Variants in NPY2R observed in about 807,000 individuals in gnomAD.
NPY2R encodes the protein neuropeptide Y receptor Y2.
In NPY2R, 17 loss-of-function variants were observed where a neutral mutation model predicts 22.3. That is an observed-to-expected ratio of 0.76 (90% CI 0.52 to 1.14). The LOEUF is 1.14. Ranked by LOEUF, NPY2R falls within the 50% of genes most tolerant of loss-of-function variation. The pLI, the probability that NPY2R is intolerant of heterozygous loss-of-function variation, is 0.00. For missense variants in NPY2R, 424 were observed against 467.9 expected (o/e 0.91, Z 0.87); for synonymous variants, 209 against 183.4 (o/e 1.14, Z -1.13).
At chr4:155,191,563 G>T in the NPY2R span, among the ~76,000 whole-genome samples, 1 of 151,798 alleles carries the variant, frequency 6.6e-6, no homozygotes, top group Non-Finnish European at 1.5e-5. Flanking sequence ...TCACATTAAT[G>T]TTTTCTACTT....
At chr4:155,202,293 CA>C in the NPY2R span, among the ~76,000 whole-genome samples, 1 of 152,050 alleles carries the variant, frequency 6.6e-6, no homozygotes, top group South Asian at 2.1e-4. Flanking sequence ...AAAACAAAAA[CA>C]AAAACAAAAA....
chr4:155,198,028 C>T, the NPY2R span, among the ~76,000 whole-genome samples: 1 of 151,942 alleles, frequency 6.6e-6, no homozygotes, highest in Non-Finnish European at 1.5e-5. Context: ...TTTCTTAAAC[C>T]AAGCTTCATA....
the NPY2R span, among the ~76,000 whole-genome samples, chr4:155,192,723 T>C: frequency 6.6e-6 from 1 of 151,922 alleles, no homozygotes; most frequent in Non-Finnish European, 1.5e-5. Flanking sequence ...TATGCAAGAC[T>C]TCAAGAGAGG....
intron 1 of NPY2R, 48 bp from the exon 2 acceptor site, chr4:155,213,844 T>C (rs1729452370): frequency 9.8e-7 from 1 of 1,015,696 alleles, no homozygotes; most frequent in Non-Finnish European, 1.6e-6. Flanking sequence ...CCTCGTTCCA[T>C]TGGTTTTTGT....
At chr4:155,213,108 A>G (rs997386977) in intron 1 of NPY2R, among the ~76,000 whole-genome samples, 1 of 152,142 alleles carries the variant, frequency 6.6e-6, no homozygotes, top group African/African-American at 2.4e-5. Flanking sequence ...AGAGTGGTAT[A>G]ATGGACTTTG....
chr4:155,203,897 C>T (rs1729235293), upstream of NPY2R, among the ~76,000 whole-genome samples: 1 of 152,256 alleles, frequency 6.6e-6, no homozygotes, highest in Non-Finnish European at 1.5e-5. Flanking sequence ...GTTTGTTTAA[C>T]CTAAGAAGTT....
rs201907812 is a variant in NPY2R at position 155,214,952 on chromosome 4, C to T, written c.1013C>T (p.Ser338Leu). 7.4e-6 allele frequency: 12 copies of T among 1,614,112 alleles called. No homozygotes were observed. Among genetic ancestry groups the T allele is most frequent in the African/African-American group, 2.7e-5 (2 of 74,944 alleles). ...AGCAACTACAGAAAGGCTTTCCTCT[C>T]GGCCTTCCGCTGTGAGCAGCGGTTG... ...MNSNYRKAFL[S>L]AFRCEQRLDA... Residue 338 changes from serine (S) to leucine (L), a missense_variant, in exon 2 of 2, where the codon TCG becomes TTG. Physicochemically the swap from Ser to Leu is moderately radical, Grantham distance 145. Transcript: ENST00000329476.
intron 1 of NPY2R, among the ~76,000 whole-genome samples, chr4:155,210,236 A>G (rs757450469): frequency 1.7e-5 from 2 of 119,216 alleles, no homozygotes; most frequent in Non-Finnish European, 3.3e-5. Context: ...GCTCTGGGTA[A>G]TGTTTTGACC....
upstream of NPY2R, among the ~76,000 whole-genome samples, chr4:155,205,478 C>A (rs1729266700): frequency 6.6e-6 from 1 of 152,112 alleles, no homozygotes; most frequent in African/African-American, 2.4e-5. Context: ...GTCCTCAATA[C>A]TGATATTATT....
the NPY2R span, chr4:155,173,794 CA>C: frequency 6.6e-6 from 1 of 151,808 alleles, no homozygotes; most frequent in Non-Finnish European, 1.5e-5. Context: ...CAAACATAAA[CA>C]GGTAACTAAA....
chr4:155,205,132 AT>A, upstream of NPY2R, among the ~76,000 whole-genome samples: 1 of 152,326 alleles, frequency 6.6e-6, no homozygotes, highest in East Asian at 1.9e-4. Flanking sequence ...CTACAACTCA[AT>A]AAAATTTAAA....
chr4:155,211,084 G>A (rs1369317672), intron 1 of NPY2R, among the ~76,000 whole-genome samples: 1 of 152,124 alleles, frequency 6.6e-6, no homozygotes, highest in Non-Finnish European at 1.5e-5. Context: ...TTCAGTAAAG[G>A]AAAGGATCAA....
Position 155,216,730 on chromosome 4 carries a change from G to A in NPY2R, c.*1645G>A, listed in dbSNP as rs1729524650. 6.0e-6 allele frequency: 1 copy of A among 166,984 alleles called. No individual in the cohort carries two copies. The highest frequency in any genetic ancestry group is 6.5e-5 in the Admixed American group (1 of 15,272). 10.3% of individuals were successfully genotyped at this position (166,984 alleles called of 1,614,324 possible). ...TGTTAGATTAGGTGTAAGACTTTAA[G>A]AAGCGAACAAAAAGTAATGTATATC... On this transcript the variant is annotated 3_prime_UTR_variant, in exon 2 of 2. Coordinates refer to ENST00000329476, the MANE Select transcript of NPY2R (RefSeq NM_000910.4).
the NPY2R span, among the ~76,000 whole-genome samples, chr4:155,176,775 G>T: frequency 1.3e-5 from 2 of 152,000 alleles, no homozygotes; most frequent in Admixed American, 1.3e-4. Context: ...CCAAGATCAG[G>T]GCACCGGCAG....
the NPY2R span, among the ~76,000 whole-genome samples, chr4:155,182,078 A>G: frequency 1.3e-5 from 2 of 152,162 alleles, no homozygotes; most frequent in African/African-American, 4.8e-5. Context: ...TCACAGAGAA[A>G]ATAACTAAAG....
the NPY2R span, among the ~76,000 whole-genome samples, chr4:155,180,443 A>G: frequency 6.6e-6 from 1 of 152,180 alleles, no homozygotes; most frequent in Admixed American, 6.6e-5. Context: ...ACTTGAAACA[A>G]TATGATTGCT....
At chr4:155,195,894 G>A in the NPY2R span, among the ~76,000 whole-genome samples, 1 of 151,996 alleles carries the variant, frequency 6.6e-6, no homozygotes, top group African/African-American at 2.4e-5. Context: ...ATAAGATTGT[G>A]TAACATTTGC....
the NPY2R span, among the ~76,000 whole-genome samples, chr4:155,199,460 G>A: frequency 2.0e-5 from 3 of 151,634 alleles, no homozygotes; most frequent in East Asian, 1.9e-4. Context: ...TTATAGATTC[G>A]ATGCTATTCC....
upstream of NPY2R, among the ~76,000 whole-genome samples, chr4:155,206,208 T>A (rs1367798480): frequency 6.6e-6 from 1 of 152,226 alleles, no homozygotes; most frequent in Non-Finnish European, 1.5e-5. Context: ...CAGCACATAT[T>A]CTGGTTAGAA....
Sources: allele counts gnomAD v4.1 joint callset (sites outside exome capture counted in the v4.1 genomes callset), GRCh38; gene constraint gnomAD v4.1.1; transcripts MANE v1.5; gene names NCBI Gene and HGNC (gene_info 2026-07-23, HGNC 2026-07-21).